KATNIP: variants seen among roughly 807,000 people sequenced by gnomAD.
KATNIP encodes the protein katanin-interacting protein.
In KATNIP, 126 loss-of-function variants were observed where a neutral mutation model predicts 174.0. That is an observed-to-expected ratio of 0.72 (90% CI 0.63 to 0.84). The LOEUF (loss-of-function observed/expected upper bound fraction) is 0.84. KATNIP is among the 40% of genes least tolerant of loss of function. KATNIP has a pLI of 0.00. For missense variants in KATNIP, 1,958 were observed against 2,109.7 expected, an observed-to-expected ratio of 0.93 and a Z score of 1.41; for synonymous variants, 810 against 835.7, an observed-to-expected ratio of 0.97 and a Z score of 0.53.
At chr16:27,605,705 G>A (rs921565865) in intron 2 of KATNIP, among the ~76,000 whole-genome samples, 35 of 152,180 alleles carry the variant, frequency 2.3e-4, no homozygotes, top group African/African-American at 8.4e-4. Flanking sequence ...TCTACCTCTA[G>A]GGGGCAGTAT....
rs147592258 is a variant in KATNIP at position 27,560,543 on chromosome 16, C to T, written c.7+10366C>T. ...GGCATCTGAGATTTCAATGCCAGCC[C>T]GAGACACTTGGGGAGGTTGGCCATC... is the stretch of plus-strand genomic sequence containing the variant. On this transcript the variant is annotated intron_variant, in intron 1 of 27. Transcript: ENST00000261588. 2.9e-3 allele frequency among the ~76,000 whole-genome samples: 448 copies of T among 152,222 alleles called. 3 individuals are homozygous for T. The highest frequency in any genetic ancestry group is 0.011 in the South Asian group (54 of 4,824).
In KATNIP at chr16:27,594,001, A is replaced by G. The variant is rs141482863; in HGVS notation, c.63+20045A>G. ...CCAGAATCCAGCTGCACATTTTACA[A>G]ATAAAAGTGAGGCCCTAAGTCACAC... On this transcript the variant is annotated intron_variant, in intron 2 of 27. Coordinates refer to ENST00000261588, the MANE Select transcript of KATNIP (RefSeq NM_015202.5). Among the ~76,000 whole-genome samples, 591 of 152,146 alleles carry G rather than the reference A, an allele frequency of 3.9e-3. 6 individuals carry two copies. Among genetic ancestry groups the G allele is most frequent in the Non-Finnish European group, 5.7e-3 (390 of 67,990 alleles).
At chr16:27,648,953 TG>T (rs2142339630) in intron 6 of KATNIP, among the ~76,000 whole-genome samples, 1 of 152,310 alleles carries the variant, frequency 6.6e-6, no homozygotes, top group Non-Finnish European at 1.5e-5. Flanking sequence ...TCGGTGAGGC[TG>T]GGGTCTGACT....
intron 5 of KATNIP, among the ~76,000 whole-genome samples, chr16:27,633,974 G>A (rs936700809): frequency 1.3e-5 from 2 of 152,184 alleles, no homozygotes; most frequent in African/African-American, 4.8e-5. Context: ...ACAGCCTGGA[G>A]GCCTCCTTTT....
At position 27,777,002 on chromosome 16, in the gene KATNIP, A is replaced by G. The variant is rs776736956; in HGVS notation, c.4524A>G (p.Thr1508=). The change falls in exon 25 of 28, where the codon ACA becomes ACG. Residue 1508 remains threonine, a synonymous_variant. Coordinates refer to ENST00000261588, the MANE Select transcript of KATNIP (RefSeq NM_015202.5). The surrounding 1 kb of genome is among the most constrained non-coding windows in gnomAD (Gnocchi z 4.4). ...SMIKLWNYAK[T]PHRGVKEFGL... ...TCAAACTGTGGAATTATGCGAAAAC[A>G]CCCCATCGAGGGGTGAAGGAGTTTG... The G allele has an allele frequency of 1.2e-6, 2 of 1,613,348 alleles. No individual in the cohort carries two copies. Among genetic ancestry groups the G allele is most frequent in the Non-Finnish European group, 1.7e-6 (2 of 1,179,324 alleles).
At chr16:27,648,866 T>A in intron 6 of KATNIP, 131 bp downstream of exon 6, 1 of 1,086,584 alleles carries the variant, frequency 9.2e-7, no homozygotes. Flanking sequence ...TCCTTCACTC[T>A]TGCGTTCATT....
chr16:27,752,213 C>CT (rs2081547529), intron 17 of KATNIP, among the ~76,000 whole-genome samples: 1 of 151,986 alleles, frequency 6.6e-6, no homozygotes, highest in Non-Finnish European at 1.5e-5. Flanking sequence ...GGTTGGCAGT[C>CT]TGGGGGGAGT....
Position 27,685,893 on chromosome 16 carries a change from G to A in KATNIP, c.940+4363G>A, listed in dbSNP as rs549131357. Among the ~76,000 whole-genome samples the A allele has an allele frequency of 1.6e-4, 24 of 152,290 alleles. No individual in the cohort carries two copies. In the South Asian group the frequency reaches 2.3e-3, roughly 14 times the overall value. On this transcript the variant is annotated intron_variant, in intron 8 of 27. Transcript: ENST00000261588. ...AAAAGTGCAGGAGACCAGAGTTACC[G>A]TTAGAAATCCCTCAAATTGATGATT...
At chr16:27,685,650 A>G (rs967302597) in intron 8 of KATNIP, among the ~76,000 whole-genome samples, 1 of 152,248 alleles carries the variant, frequency 6.6e-6, no homozygotes, top group Admixed American at 6.5e-5. Context: ...ACTCCTAAAG[A>G]GGACACTATT....
At chr16:27,669,563 T>C (rs191594546) in intron 6 of KATNIP, among the ~76,000 whole-genome samples, 8 of 152,240 alleles carry the variant, frequency 5.3e-5, no homozygotes, top group African/African-American at 1.9e-4. Flanking sequence ...TGGTATCTCT[T>C]TGAAGTACAG....
At chr16:27,722,832 C>T (rs1482856320) in intron 14 of KATNIP, among the ~76,000 whole-genome samples, 5 of 152,242 alleles carry the variant, frequency 3.3e-5, no homozygotes, top group Admixed American at 3.3e-4. Flanking sequence ...AGCTGGATAT[C>T]TGAGTTTTGA....
chr16:27,586,828 CA>C (rs561285567), intron 2 of KATNIP, among the ~76,000 whole-genome samples: 131 of 82,494 alleles, frequency 1.6e-3, no homozygotes, highest in African/African-American at 2.6e-3. Context: ...GACCCTGTCT[CA>C]AAAAAAAAAA....
chr16:27,592,619 A>AACAC (rs140124096), intron 2 of KATNIP, among the ~76,000 whole-genome samples: 18 of 151,170 alleles, frequency 1.2e-4, no homozygotes, highest in Non-Finnish European at 7.4e-5. Context: ...CCCTGTCTCA[A>AACAC]ACACACACAC....
At chr16:27,615,879 G>A (rs1000653185) in intron 2 of KATNIP, among the ~76,000 whole-genome samples, 1 of 152,190 alleles carries the variant, frequency 6.6e-6, no homozygotes, top group Non-Finnish European at 1.5e-5. Flanking sequence ...GAGAAGTTAA[G>A]AAGAGAATAG....
At position 27,766,426 on chromosome 16, in the gene KATNIP, C is replaced by A. The variant is rs754806903; in HGVS notation, c.3927C>A (p.Gly1309=). 1 of 1,613,924 alleles carries A rather than the reference C, an allele frequency of 6.2e-7. No individual in the cohort carries two copies. Among genetic ancestry groups the A allele is most frequent in the African/African-American group, 1.3e-5 (1 of 74,940 alleles). The change falls in exon 20 of 28, where the codon GGC becomes GGA. Residue 1309 remains glycine, a synonymous_variant. Transcript: ENST00000261588. Reference sequence around the variant, plus strand: ...TGGACAGGGCCGAAAGCATCGCAGGCCTGCGCTTCTGGAACTACAATAAAT... The same window carrying A: ...TGGACAGGGCCGAAAGCATCGCAGGACTGCGCTTCTGGAACTACAATAAAT... The part of the protein sequence containing the change: ...IRLDRAESIA[G]LRFWNYNKSP...
chr16:27,657,995 A>G (rs1749599666), intron 6 of KATNIP, among the ~76,000 whole-genome samples: 1 of 152,212 alleles, frequency 6.6e-6, no homozygotes, highest in South Asian at 2.1e-4. Flanking sequence ...TATACAAGGT[A>G]TTACCATTGG....
Position 27,776,854 on chromosome 16 carries a change from C to A in KATNIP, c.4450-74C>A. On this transcript the variant is annotated intron_variant, in intron 24 of 27. Coordinates refer to ENST00000261588, the MANE Select transcript of KATNIP (RefSeq NM_015202.5). The surrounding 1 kb of genome is among the most constrained non-coding windows in gnomAD (Gnocchi z 4.7). ...GCACCACCGCTCACCCCAGCCCACG[C>A]CTGGCACCCCCAGCCCAGCCAAGCG... The A allele has an allele frequency of 9.0e-7, 1 of 1,114,282 alleles. No individual in the cohort carries two copies. Among genetic ancestry groups the A allele is most frequent in the Non-Finnish European group, 1.4e-6 (1 of 730,748 alleles). The allele number at this position is 1,114,282 out of a possible 1,614,324, so 69.0% of individuals were successfully genotyped here.
In KATNIP at chr16:27,637,257, G is replaced by T. The variant is rs1251045182; in HGVS notation, c.408+6095G>T. 6.6e-6 allele frequency among the ~76,000 whole-genome samples: 1 copy of T among 152,176 alleles called. No homozygotes were observed. Among genetic ancestry groups the T allele is most frequent in the Non-Finnish European group, 1.5e-5 (1 of 68,034 alleles). On this transcript the variant is annotated intron_variant, in intron 5 of 27. Transcript: ENST00000261588. This position sits in a 1 kb window ranked among gnomAD's most constrained non-coding sequence, Gnocchi z 4.7. ...GCTCTTCACTCTAGTATGTTCCTTT[G>T]CTCACTCATACTTTACTTCTTTCAT...
At chr16:27,750,604 T>C (rs2081473612) in intron 16 of KATNIP, among the ~76,000 whole-genome samples, 2 of 150,512 alleles carry the variant, frequency 1.3e-5, no homozygotes, top group African/African-American at 4.9e-5. Flanking sequence ...TATTTTTTTT[T>C]TTTTTTTTTA....
Sources: gnomAD v4.1 joint callset for allele counts (sites outside exome capture counted in the v4.1 genomes callset) on GRCh38, gnomAD v4.1.1 for gene constraint, Gnocchi (gnomAD v3.1) non-coding constraint, MANE v1.5 for transcripts, NCBI Gene and HGNC (gene_info 2026-07-23, HGNC 2026-07-21) for gene names.